The following CYP19A1 variants were observed in gnomAD, a reference collection of about 807,000 sequenced individuals.
The protein encoded by CYP19A1 is cytochrome P450 family 19 subfamily A member 1.
Under a neutral mutation model 44.4 loss-of-function variants are expected in CYP19A1, and 32 were observed. The ratio of observed to expected loss-of-function variants is 0.72; its 90% CI spans 0.54 to 0.97. CYP19A1 has a LOEUF of 0.97. Among genes scored for constraint, CYP19A1 ranks in the 50% least tolerant of loss-of-function variants. CYP19A1 has a pLI of 0.00. For missense variants in CYP19A1, 598 were observed against 637.8 expected (o/e 0.94, Z 0.67); for synonymous variants, 212 against 215.6 (o/e 0.98, Z 0.14).
rs767924652 is a variant in CYP19A1 at position 51,236,850 on chromosome 15, C to T, written c.296+9G>A. ...TAAAAAGTATGTCTTCGATTATGAACAGACTCACTTGCTGATAATGAGTGT... is the reference window on the plus strand; with the variant it reads ...TAAAAAGTATGTCTTCGATTATGAATAGACTCACTTGCTGATAATGAGTGT... On this transcript the variant is annotated intron_variant, in intron 3 of 9. Transcript: ENST00000396402. 2 of 1,613,918 alleles carry T rather than the reference C, an allele frequency of 1.2e-6. No individual in the cohort carries two copies. Among genetic ancestry groups the T allele is most frequent in the South Asian group, 1.1e-5 (1 of 91,088 alleles).
At chr15:51,337,299 C>T (rs1055363268) in intron 1 of CYP19A1, among the ~76,000 whole-genome samples, 4 of 152,184 alleles carry the variant, frequency 2.6e-5, no homozygotes, top group African/African-American at 9.7e-5. Flanking sequence ...CACAGAAGAA[C>T]TAAAGTGTCA....
At chr15:51,338,162 G>C (rs2036807459) in intron 1 of CYP19A1, among the ~76,000 whole-genome samples, 1 of 152,128 alleles carries the variant, frequency 6.6e-6, no homozygotes, top group African/African-American at 2.4e-5. Flanking sequence ...GGGGAAATGG[G>C]GAGGCTGGTT....
At chr15:51,221,353 T>G (rs1172423121) in intron 5 of CYP19A1, 2 of 152,152 alleles carry the variant, frequency 1.3e-5, no homozygotes, top group African/African-American at 4.8e-5. Context: ...ATAATATAAA[T>G]GACTTTAAGA....
chr15:51,214,176 T>C (rs942489411), intron 8 of CYP19A1, among the ~76,000 whole-genome samples: 5 of 152,268 alleles, frequency 3.3e-5, no homozygotes, highest in Admixed American at 6.5e-5. Flanking sequence ...GTCCACATTC[T>C]GTGATCTCTC....
chr15:51,307,303 C>A (rs1189020542), intron 1 of CYP19A1, among the ~76,000 whole-genome samples: 1 of 152,158 alleles, frequency 6.6e-6, no homozygotes, highest in African/African-American at 2.4e-5. Flanking sequence ...ACAGAAAAAT[C>A]AAAAGGACAT....
chr15:51,215,970 A>G, intron 6 of CYP19A1, 153 bp from the exon 7 acceptor site: 1 of 1,394,662 alleles, frequency 7.2e-7, no homozygotes, highest in Non-Finnish European at 9.6e-7. Flanking sequence ...TTCTTCATAA[A>G]TACCCTTAAA....
intron 1 of CYP19A1, among the ~76,000 whole-genome samples, chr15:51,269,500 ATTACT>A (rs2035048177): frequency 6.6e-6 from 1 of 151,776 alleles, no homozygotes; most frequent in Admixed American, 6.6e-5. Flanking sequence ...TTTTTTTTAA[ATTACT>A]TTATGGGGTT....
chr15:51,333,062 C>A (rs1484528983), intron 1 of CYP19A1, among the ~76,000 whole-genome samples: 2 of 152,098 alleles, frequency 1.3e-5, no homozygotes, highest in African/African-American at 4.8e-5. Flanking sequence ...GTCTGCAGAT[C>A]TTGTCATTTG....
intron 2 of CYP19A1, among the ~76,000 whole-genome samples, chr15:51,237,369 T>C (rs2033473013): frequency 6.6e-6 from 1 of 152,186 alleles, no homozygotes; most frequent in Non-Finnish European, 1.5e-5. Context: ...GTAGCAAACA[T>C]GGAAACACTG....
intron 1 of CYP19A1, among the ~76,000 whole-genome samples, chr15:51,326,729 A>G (rs2036613913): frequency 6.6e-6 from 1 of 152,174 alleles, no homozygotes; most frequent in African/African-American, 2.4e-5. Flanking sequence ...TTAATATGAG[A>G]CCCAGGTTTA....
chr15:51,294,549 C>A (rs1381814399), intron 1 of CYP19A1, among the ~76,000 whole-genome samples: 1 of 150,884 alleles, frequency 6.6e-6, no homozygotes, highest in African/African-American at 2.5e-5. Flanking sequence ...AGGAGCGTCT[C>A]CGCCCGGCAG....
intron 1 of CYP19A1, among the ~76,000 whole-genome samples, chr15:51,280,992 G>A (rs557136014): frequency 2.0e-5 from 3 of 152,296 alleles, no homozygotes; most frequent in East Asian, 3.9e-4. Context: ...TGCCACTGCA[G>A]GCCCAGGCGC....
intron 3 of CYP19A1, among the ~76,000 whole-genome samples, chr15:51,231,513 T>G (rs1355086847): frequency 1.3e-5 from 2 of 152,224 alleles, no homozygotes; most frequent in African/African-American, 4.8e-5. Flanking sequence ...CTTCTTACTT[T>G]GTCATGGTTG....
intron 1 of CYP19A1, among the ~76,000 whole-genome samples, chr15:51,317,996 C>T (rs2036458950): frequency 6.6e-6 from 1 of 152,080 alleles, no homozygotes; most frequent in South Asian, 2.1e-4. Context: ...CCCATCACAC[C>T]CCAACATGTT....
chr15:51,283,074 ATGTG>A (rs1027730136), intron 1 of CYP19A1, among the ~76,000 whole-genome samples: 13 of 152,170 alleles, frequency 8.5e-5, no homozygotes, highest in Admixed American at 3.3e-4. Flanking sequence ...TTTTTGGTCA[ATGTG>A]AGTGATAATA....
chr15:51,330,173 G>A (rs745565654), intron 1 of CYP19A1, among the ~76,000 whole-genome samples: 2 of 152,134 alleles, frequency 1.3e-5, no homozygotes, highest in African/African-American at 4.8e-5. Flanking sequence ...CAGAGAGAGA[G>A]TAGGCAGGGG....
intron 1 of CYP19A1, among the ~76,000 whole-genome samples, chr15:51,326,948 A>T (rs910801885): frequency 6.6e-6 from 1 of 152,198 alleles, no homozygotes; most frequent in East Asian, 1.9e-4. Flanking sequence ...CCATGACCAT[A>T]CAGGTAGTTG....
intron 1 of CYP19A1, among the ~76,000 whole-genome samples, chr15:51,266,007 A>T (rs562047799): frequency 6.6e-6 from 1 of 152,196 alleles, no homozygotes; most frequent in Non-Finnish European, 1.5e-5. Context: ...GCTTCCGCCA[A>T]CCTTGAGGGA....
At chr15:51,277,662 C>T (rs1407639360) in intron 1 of CYP19A1, among the ~76,000 whole-genome samples, 1 of 152,162 alleles carries the variant, frequency 6.6e-6, no homozygotes, top group East Asian at 1.9e-4. Context: ...ACTTGGGTGA[C>T]ATTCTGTATA....
Sources: gnomAD v4.1 joint callset for allele counts (sites outside exome capture counted in the v4.1 genomes callset) on GRCh38, gnomAD v4.1.1 for gene constraint, MANE v1.5 for transcripts, NCBI Gene and HGNC (gene_info 2026-07-23, HGNC 2026-07-21) for gene names.